ULK4: variants seen among roughly 807,000 people sequenced by gnomAD.
The protein encoded by ULK4 is inactive serine/threonine-protein kinase ULK4.
A neutral mutation model predicts 160.6 loss-of-function variants in ULK4; 133 were observed. The ratio of observed to expected loss-of-function variants is 0.83; its 90% confidence interval spans 0.72 to 0.96. The LOEUF (loss-of-function observed/expected upper bound fraction) is 0.96. ULK4 is among the 40% of genes least tolerant of loss of function. The pLI is 0.00. For synonymous variants in ULK4, 534 were observed against 539.8 expected, an observed-to-expected ratio of 0.99 and a Z score of 0.15; for missense variants, 1,580 against 1,499.5, an observed-to-expected ratio of 1.05 and a Z score of -0.89.
chr3:41,935,884 T>C lies in ULK4; in HGVS notation c.295A>G (p.Arg99Gly), dbSNP rs768634222. 6 of 1,614,028 alleles carry C rather than the reference T, an allele frequency of 3.7e-6. No individual in the cohort carries two copies. Among genetic ancestry groups the C allele is most frequent in the Non-Finnish European group, 5.1e-6 (6 of 1,179,998 alleles). Residue 99 changes from arginine (R) to glycine (G), a missense_variant, in exon 4 of 37, where the codon AGA becomes GGA. Physicochemically the swap from Arg to Gly is moderately radical, Grantham distance 125. Coordinates refer to ENST00000301831, the MANE Select transcript of ULK4 (RefSeq NM_017886.4). ...CTAATCAGGTCAATTCCAAATTCTCTCACAACATCTTCTGGGAGGTTTTCA... is the reference window on the plus strand; with the variant it reads ...CTAATCAGGTCAATTCCAAATTCTCCCACAACATCTTCTGGGAGGTTTTCA... ...QDENLPEDVV[R>G]EFGIDLISGL...
chr3:41,718,241 C>T (rs1040386535), intron 22 of ULK4, among the ~76,000 whole-genome samples: 1 of 152,118 alleles, frequency 6.6e-6, no homozygotes, highest in African/African-American at 2.4e-5. Context: ...ATTCAATTTG[C>T]TTGGGACCCT....
At chr3:41,548,878 T>C (rs2086963958) in intron 32 of ULK4, among the ~76,000 whole-genome samples, 1 of 152,034 alleles carries the variant, frequency 6.6e-6, no homozygotes, top group African/African-American at 2.4e-5. Context: ...AATATCACCA[T>C]TGCCTCCATT....
At chr3:41,551,147 G>A (rs2125577445) in intron 32 of ULK4, among the ~76,000 whole-genome samples, 1 of 151,302 alleles carries the variant, frequency 6.6e-6, no homozygotes, top group Middle Eastern at 3.4e-3. Flanking sequence ...GTGCTAAGAG[G>A]GAAGTTTATA....
At chr3:41,465,724 T>G (rs528247677) in intron 32 of ULK4, among the ~76,000 whole-genome samples, 1 of 152,340 alleles carries the variant, frequency 6.6e-6, no homozygotes, top group South Asian at 2.1e-4. Flanking sequence ...GTTCAATTCC[T>G]TTGGCAGTAA....
At chr3:41,743,352 T>G (rs1303444091) in intron 22 of ULK4, among the ~76,000 whole-genome samples, 2 of 151,656 alleles carry the variant, frequency 1.3e-5, no homozygotes, top group African/African-American at 4.9e-5. Flanking sequence ...AACTGTCAAC[T>G]ACAAGTTCTA....
At position 41,256,626 on chromosome 3, in the gene ULK4, T is replaced by C. The variant is rs146619997; in HGVS notation, c.3679-7052A>G. On this transcript the variant is annotated intron_variant, in intron 35 of 36. Coordinates refer to ENST00000301831, the MANE Select transcript of ULK4 (RefSeq NM_017886.4). Reference sequence around the variant, plus strand: ...ATCTAAATGTAAAATGTAAAAACTATATAACTTCTAGAAGAAAATATGGAA... The same window carrying C: ...ATCTAAATGTAAAATGTAAAAACTACATAACTTCTAGAAGAAAATATGGAA... Among the ~76,000 whole-genome samples the C allele has an allele frequency of 5.2e-3, 787 of 152,336 alleles. 9 individuals are homozygous for C. Among genetic ancestry groups the C allele is most frequent in the African/African-American group, 0.017 (715 of 41,572 alleles).
chr3:41,942,547 G>C (rs1168389382), intron 2 of ULK4, among the ~76,000 whole-genome samples: 1 of 151,992 alleles, frequency 6.6e-6, no homozygotes, highest in African/African-American at 2.4e-5. Context: ...GCCGGGCGCG[G>C]TGGCTCACGC....
At chr3:41,576,366 T>C (rs955158038) in intron 31 of ULK4, among the ~76,000 whole-genome samples, 2 of 152,180 alleles carry the variant, frequency 1.3e-5, no homozygotes, top group Non-Finnish European at 2.9e-5. Context: ...GAGAAACTAT[T>C]GGTTAATCCC....
intron 32 of ULK4, among the ~76,000 whole-genome samples, chr3:41,491,326 T>A (rs147390316): frequency 1.6e-5 from 2 of 122,766 alleles, no homozygotes; most frequent in Non-Finnish European, 3.6e-5. Context: ...AAATAAAAAA[T>A]AAAATACAAC....
chr3:41,444,540 G>A (rs2083251394), intron 34 of ULK4, among the ~76,000 whole-genome samples: 1 of 152,054 alleles, frequency 6.6e-6, no homozygotes, highest in Admixed American at 6.5e-5. Flanking sequence ...AAATTCTGGT[G>A]TGTTTTTACC....
At chr3:41,491,460 T>C (rs1328931104) in intron 32 of ULK4, among the ~76,000 whole-genome samples, 2 of 151,524 alleles carry the variant, frequency 1.3e-5, no homozygotes, top group African/African-American at 2.4e-5. Flanking sequence ...AGTAGAAAAA[T>C]GAAAGGGCAA....
At chr3:41,935,209 A>ATTTATTTATTTTTTTTTTTTTTTT (rs1559660879) in intron 4 of ULK4, among the ~76,000 whole-genome samples, 1 of 135,556 alleles carries the variant, frequency 7.4e-6, no homozygotes, top group African/African-American at 3.3e-5. Flanking sequence ...TTATTTATTT[A>ATTTATTTATTTTTTTTTTTTTTTT]TTTTTTTTTT....
At chr3:41,610,191 T>C (rs1197432637) in intron 31 of ULK4, among the ~76,000 whole-genome samples, 1 of 151,812 alleles carries the variant, frequency 6.6e-6, no homozygotes, top group Non-Finnish European at 1.5e-5. Flanking sequence ...AATTTCTTTT[T>C]ATTTTTTGTA....
chr3:41,761,930 A>G (rs2038997233), intron 21 of ULK4, among the ~76,000 whole-genome samples: 1 of 151,952 alleles, frequency 6.6e-6, no homozygotes, highest in Non-Finnish European at 1.5e-5. Flanking sequence ...TAATAATAAT[A>G]ATAATTAGCC....
rs186224410 is a variant in ULK4, at chr3:41,307,694, G to T, written c.3679-58120C>A. 3.2e-3 allele frequency among the ~76,000 whole-genome samples: 485 copies of T among 152,200 alleles called. 3 individuals are homozygous for T. The highest frequency in any genetic ancestry group is 0.011 in the African/African-American group (455 of 41,540). On this transcript the variant is annotated intron_variant, in intron 35 of 36. Transcript: ENST00000301831. The stretch of plus-strand genomic sequence containing the variant: ...TATTTTAAAAATTCAGCTGGGCGTG[G>T]TTGCAAGAGCCTATAGTCCTAGCCA...
chr3:41,431,795 T>C (rs1280883442), intron 34 of ULK4, among the ~76,000 whole-genome samples: 2 of 32,036 alleles, frequency 6.2e-5, no homozygotes, highest in African/African-American at 3.5e-4. Flanking sequence ...TTTTCTTTTC[T>C]TTTTTTTTTT....
At chr3:41,431,793 T>TG (rs1201142451) in intron 34 of ULK4, among the ~76,000 whole-genome samples, 5 of 104,046 alleles carry the variant, frequency 4.8e-5, no homozygotes, top group African/African-American at 2.1e-4. Context: ...CTTTTTCTTT[T>TG]CTTTTTTTTT....
At chr3:41,581,151 T>C (rs1025991517) in intron 31 of ULK4, among the ~76,000 whole-genome samples, 1 of 152,030 alleles carries the variant, frequency 6.6e-6, no homozygotes, top group Admixed American at 6.6e-5. Context: ...AAAAAAATCC[T>C]CAGAAGCCTA....
intron 20 of ULK4, among the ~76,000 whole-genome samples, chr3:41,793,674 T>C (rs780129742): frequency 1.3e-5 from 2 of 152,220 alleles, no homozygotes; most frequent in Non-Finnish European, 2.9e-5. Flanking sequence ...ACTTCAGTAA[T>C]TATGATTACT....
Sources: gnomAD v4.1 joint callset for allele counts (sites outside exome capture counted in the v4.1 genomes callset) on GRCh38, gnomAD v4.1.1 for gene constraint, MANE v1.5 for transcripts, NCBI Gene and HGNC (gene_info 2026-07-23, HGNC 2026-07-21) for gene names.